SAMD5: variants seen among roughly 807,000 people sequenced by gnomAD.
The protein encoded by SAMD5 is sterile alpha motif domain-containing protein 5.
SAMD5 carries 13 observed loss-of-function variants against 11.3 expected under a neutral mutation model. That is an observed-to-expected ratio of 1.15 (90% CI 0.75 to 1.83). SAMD5 has a LOEUF of 1.83. Among genes scored for constraint, SAMD5 ranks in the 40% most tolerant of loss-of-function variants. The pLI, the probability that SAMD5 is intolerant of heterozygous loss-of-function variation, is 0.00. For synonymous variants in SAMD5, 129 were observed against 111.3 expected (o/e 1.16, Z -1.00); for missense variants, 255 against 239.1 (o/e 1.07, Z -0.44).
intron 1 of SAMD5, among the ~76,000 whole-genome samples, chr6:147,561,450 A>G (rs1380877041): frequency 6.6e-6 from 1 of 152,190 alleles, no homozygotes; most frequent in Admixed American, 6.5e-5. Context: ...TCGGACTCCC[A>G]AAGTGCTGGG....
At chr6:147,547,697 G>A (rs531669689) in intron 1 of SAMD5, among the ~76,000 whole-genome samples, 1 of 152,274 alleles carries the variant, frequency 6.6e-6, no homozygotes, top group African/African-American at 2.4e-5. Context: ...CATCGTGGGA[G>A]CGCCATCTAT....
chr6:147,940,855 G>C, the SAMD5 span, among the ~76,000 whole-genome samples: 5 of 152,268 alleles, frequency 3.3e-5, no homozygotes, highest in East Asian at 9.7e-4. Flanking sequence ...CCAGCTACTT[G>C]GGAGGCTGAG....
chr6:147,562,903 C>T (rs1788976943), intron 1 of SAMD5, among the ~76,000 whole-genome samples: 1 of 152,074 alleles, frequency 6.6e-6, no homozygotes, highest in African/African-American at 2.4e-5. Context: ...TGGAATTTTC[C>T]CTCACTCCTC....
intron 1 of SAMD5, among the ~76,000 whole-genome samples, chr6:147,642,389 G>C (rs1209353257): frequency 6.6e-6 from 1 of 152,130 alleles, no homozygotes; most frequent in Non-Finnish European, 1.5e-5. Flanking sequence ...TTCCTCATCT[G>C]TAAAATGAGA....
intron 1 of SAMD5, among the ~76,000 whole-genome samples, chr6:147,628,052 T>G (rs1790085206): frequency 6.6e-6 from 1 of 152,208 alleles, no homozygotes; most frequent in African/African-American, 2.4e-5. Flanking sequence ...TGAAAACATA[T>G]AGTTCCTCAT....
the SAMD5 span, among the ~76,000 whole-genome samples, chr6:147,813,092 A>G: frequency 6.6e-6 from 1 of 152,180 alleles, no homozygotes; most frequent in African/African-American, 2.4e-5. Flanking sequence ...CTGTTCTTTG[A>G]AATATATTTT....
chr6:147,758,752 A>G, the SAMD5 span, among the ~76,000 whole-genome samples: 1 of 152,068 alleles, frequency 6.6e-6, no homozygotes, highest in South Asian at 2.1e-4. Context: ...CCATGAAGTG[A>G]TCTGACCTCA....
the SAMD5 span, among the ~76,000 whole-genome samples, chr6:147,752,937 A>G: frequency 5.3e-4 from 80 of 152,336 alleles, no homozygotes; most frequent in Admixed American, 1.3e-3. Context: ...ATACTTAAGG[A>G]GTTCTCATAC....
the SAMD5 span, among the ~76,000 whole-genome samples, chr6:147,916,610 G>T: frequency 1.3e-5 from 2 of 151,878 alleles, no homozygotes; most frequent in African/African-American, 2.4e-5. Context: ...CAATGTGCAG[G>T]TTAGTTACAT....
chr6:147,644,117 A>G lies in SAMD5; in HGVS notation c.163-93200A>G, dbSNP rs1362928905. Among the ~76,000 whole-genome samples the G allele has an allele frequency of 2.6e-5, 4 of 152,192 alleles. No homozygotes were observed. The East Asian group carries it at 7.7e-4, about 29-fold the overall frequency. ...AATGTTTTACCTTCCATGAAATTAT[A>G]AACAATATTTCTTACTGACTGTAAA... On this transcript the variant is annotated intron_variant, in intron 1 of 1. Transcript: ENST00000566741.
chr6:147,581,946 A>G (rs1789304594), intron 1 of SAMD5, among the ~76,000 whole-genome samples: 1 of 152,144 alleles, frequency 6.6e-6, no homozygotes. Context: ...ATAAAGACAC[A>G]GAAGGGAATG....
chr6:147,587,678 G>T (rs188708131), intron 1 of SAMD5, among the ~76,000 whole-genome samples: 1 of 152,152 alleles, frequency 6.6e-6, no homozygotes, highest in Non-Finnish European at 1.5e-5. Context: ...ACAGGGATAT[G>T]CTTTTCTGGC....
At position 147,509,136 on chromosome 6, in the gene SAMD5, G is replaced by T. The variant is rs1298671638; in HGVS notation, c.208G>T (p.Ala70Ser). 1 of 1,549,362 alleles carries T rather than the reference G, an allele frequency of 6.5e-7. No homozygotes were observed. Among genetic ancestry groups the T allele is most frequent in the Non-Finnish European group, 8.7e-7 (1 of 1,150,688 alleles). ...GCTGCGGGAGCAGGACGCCAACGCC[G>T]CCGGCCTCTACTTCACGCTTGAGCC... ...RRLREQDANA[A>S]GLYFTLEPQP... Residue 70 changes from alanine (A) to serine (S), a missense_variant, in exon 1 of 2, where the codon GCC (alanine) becomes TCC (serine). Transcript: ENST00000367474.
the SAMD5 span, among the ~76,000 whole-genome samples, chr6:147,789,143 G>A: frequency 4.4e-4 from 67 of 150,962 alleles, no homozygotes; most frequent in Non-Finnish European, 8.3e-4. Context: ...GGTCATGCCC[G>A]TAATCCCAGC....
chr6:147,616,935 CT>C (rs1173930693), intron 1 of SAMD5, among the ~76,000 whole-genome samples: 1 of 152,184 alleles, frequency 6.6e-6, no homozygotes, highest in Non-Finnish European at 1.5e-5. Flanking sequence ...CTGCAGGTCC[CT>C]CCCTTGACAC....
chr6:147,611,625 A>C (rs565486445), intron 1 of SAMD5, among the ~76,000 whole-genome samples: 128 of 152,284 alleles, frequency 8.4e-4, no homozygotes, highest in African/African-American at 3.0e-3. Flanking sequence ...AACCACTGTG[A>C]CCTGCAGTGG....
intron 1 of SAMD5, among the ~76,000 whole-genome samples, chr6:147,679,502 C>T (rs956848202): frequency 6.6e-6 from 1 of 152,036 alleles, no homozygotes; most frequent in Non-Finnish European, 1.5e-5. Context: ...GGTTTGTTTT[C>T]ATATTATTGA....
At chr6:147,877,173 G>A in the SAMD5 span, among the ~76,000 whole-genome samples, 1 of 151,990 alleles carries the variant, frequency 6.6e-6, no homozygotes, top group East Asian at 1.9e-4. Context: ...AAATCCTAGT[G>A]CACAATACCT....
At chr6:147,911,763 T>C in the SAMD5 span, among the ~76,000 whole-genome samples, 1 of 152,224 alleles carries the variant, frequency 6.6e-6, no homozygotes, top group Non-Finnish European at 1.5e-5. Context: ...GTGTTATTAT[T>C]TATGAATCTG....
Sources: allele counts gnomAD v4.1 joint callset (sites outside exome capture counted in the v4.1 genomes callset), GRCh38; gene constraint gnomAD v4.1.1; transcripts MANE v1.5; gene names NCBI Gene and HGNC (gene_info 2026-07-23, HGNC 2026-07-21).